The following ACSL6 variants were observed in gnomAD, a reference collection of about 807,000 sequenced individuals.
ACSL6 encodes the protein long-chain-fatty-acid--CoA ligase 6.
In ACSL6, 47 loss-of-function variants were observed where a neutral mutation model predicts 98.2. The observed-to-expected ratio is 0.48, with a 90% confidence interval of 0.38 to 0.61. ACSL6 has a LOEUF of 0.61. Ranked by LOEUF, ACSL6 falls within the 20% of genes least tolerant of loss-of-function variation. The pLI is 0.00. For synonymous variants in ACSL6, 362 were observed against 336.9 expected (o/e 1.07, Z -0.82); for missense variants, 761 against 913.4 (o/e 0.83, Z 2.15).
intron 1 of ACSL6, among the ~76,000 whole-genome samples, chr5:131,995,344 T>C (rs1322778561): frequency 6.6e-6 from 1 of 152,164 alleles, no homozygotes; most frequent in Non-Finnish European, 1.5e-5. Context: ...TGCTTGGAAC[T>C]GAGGAAAGTA....
At chr5:132,012,189 C>G, upstream of ACSL6, 1 of 441,718 alleles carries the variant, frequency 2.3e-6, no homozygotes, top group Non-Finnish European at 4.0e-6. Context: ...GGTGCCACCT[C>G]TGCAAACCAG....
chr5:131,975,124 A>G, intron 10 of ACSL6, 154 bp from the exon 11 acceptor site: 2 of 1,411,140 alleles, frequency 1.4e-6, no homozygotes, highest in Admixed American at 2.9e-5. Flanking sequence ...GAGAGGTGAG[A>G]TGAAAGAGAG....
rs953272432 is a variant in ACSL6 at position 131,954,349 on chromosome 5, G to T, written c.2054C>A (p.Ser685Tyr). ...GCCATTTTGAACTGAGAACATGTCA[G>T]AATGGATGTGAATGGCTTTAACCTA... ...FEQVKAIHIH[S>Y]DMFSVQNGLL... Residue 685 changes from serine (S) to tyrosine (Y), a missense_variant, in exon 21 of 21, where the codon TCT (serine) becomes TAT (tyrosine). Ser to Tyr is a moderately radical substitution (Grantham distance 144). Coordinates refer to ENST00000651883, the MANE Select transcript of ACSL6 (RefSeq NM_001009185.3). 2.6e-5 allele frequency: 42 copies of T among 1,612,540 alleles called. No individual in the cohort carries two copies. Among genetic ancestry groups the T allele is most frequent in the Non-Finnish European group, 3.5e-5 (41 of 1,179,606 alleles).
Position 132,000,009 on chromosome 5 carries a change from G to C in ACSL6, c.50-5758C>G, listed in dbSNP as rs576486480. 3.9e-5 allele frequency among the ~76,000 whole-genome samples: 6 copies of C among 152,168 alleles called. No individual in the cohort carries two copies. In the South Asian group the frequency reaches 1.3e-3, roughly 32 times the overall value. On this transcript the variant is annotated intron_variant, in intron 1 of 20. Coordinates refer to ENST00000651883, the MANE Select transcript of ACSL6 (RefSeq NM_001009185.3). ...AGTGAGCATGAGTTTATGTGTGTAG[G>C]GGGTGGGGGGTGACAGGAAGTAGTG...
In ACSL6 at chr5:132,011,382, G is replaced by T; in HGVS notation, c.49+123C>A. 9.1e-7 allele frequency: 1 copy of T among 1,102,914 alleles called. No homozygotes were observed. The highest frequency in any genetic ancestry group is 1.4e-6 in the Non-Finnish European group (1 of 738,258). The allele number at this position is 1,102,914 out of a possible 1,614,324, so 68.3% of individuals were successfully genotyped here. A position where few individuals can be genotyped will look rare whatever the true frequency, so the allele number is the denominator to read the frequency against. On this transcript the variant is annotated intron_variant, in intron 1 of 20. Coordinates refer to ENST00000651883, the MANE Select transcript of ACSL6 (RefSeq NM_001009185.3). The surrounding 1 kb of genome is among the most constrained non-coding windows in gnomAD (Gnocchi z 5.4). ...TAGGCGGCCCTGGGGACCTTGACGG[G>T]ACAGCTCAGCAGCAGGGGATGGGGG...
chr5:132,011,246 G>T lies in ACSL6; in HGVS notation c.49+259C>A, dbSNP rs1755707789. ...GGGAAGGGGGACGCAAGAACTCGGC[G>T]GGGGTTTGTGGTGGGGTCGCAGAGA... is the stretch of plus-strand genomic sequence containing the variant. On this transcript the variant is annotated intron_variant, in intron 1 of 20. Transcript: ENST00000651883. This position sits in a 1 kb window ranked among gnomAD's most constrained non-coding sequence, Gnocchi z 5.4. Among the ~76,000 whole-genome samples the T allele has an allele frequency of 6.6e-6, 1 of 152,254 alleles. No homozygotes were observed. The highest frequency in any genetic ancestry group is 6.5e-5 in the Admixed American group (1 of 15,302).
intron 13 of ACSL6, among the ~76,000 whole-genome samples, chr5:131,972,150 T>A (rs947469076): frequency 2.2e-4 from 34 of 152,334 alleles, no homozygotes; most frequent in African/African-American, 8.2e-4. Context: ...ATATTTTAAA[T>A]ATTAATTTTC....
intron 16 of ACSL6, among the ~76,000 whole-genome samples, chr5:131,967,524 G>T (rs928632961): frequency 6.6e-6 from 1 of 151,970 alleles, no homozygotes; most frequent in South Asian, 2.1e-4. Context: ...AATTAGCCAG[G>T]TGTGGTGGCG....
At chr5:131,992,022 G>T (rs1754551501) in intron 2 of ACSL6, among the ~76,000 whole-genome samples, 1 of 152,196 alleles carries the variant, frequency 6.6e-6, no homozygotes, top group South Asian at 2.1e-4. Context: ...GAGACTGTAT[G>T]CCAGGGACAG....
rs1580614102 is a variant in ACSL6 at position 131,953,168 on chromosome 5, G to T, written c.*1066C>A. The T allele has an allele frequency of 1.0e-5, 2 of 196,108 alleles. No individual in the cohort carries two copies. Among genetic ancestry groups the T allele is most frequent in the East Asian group, 1.6e-4 (2 of 12,440 alleles). The allele number at this position is 196,108 out of a possible 1,614,324, so 12.1% of individuals were successfully genotyped here. ...TGTCTTTTAGAATTCATTATAATAA[G>T]AAGTCCATGAACATACACACACTAT... On this transcript the variant is annotated 3_prime_UTR_variant, in exon 21 of 21. Transcript: ENST00000651883.
In ACSL6 at chr5:131,970,482, T is replaced by A. The variant is rs1280799916; in HGVS notation, c.1435-282A>T. Among the ~76,000 whole-genome samples, 3 of 151,230 alleles carry A rather than the reference T, an allele frequency of 2.0e-5. No homozygotes were observed. In the Admixed American group the frequency reaches 2.0e-4, roughly 10 times the overall value. Reference sequence around the variant, plus strand: ...TGGAGTGCAATGGCGTGATCTCCACTCACTGCAAGCTCCACCTCCTGGGTT... The same window carrying A: ...TGGAGTGCAATGGCGTGATCTCCACACACTGCAAGCTCCACCTCCTGGGTT... On this transcript the variant is annotated intron_variant, in intron 14 of 20. Coordinates refer to ENST00000651883, the MANE Select transcript of ACSL6 (RefSeq NM_001009185.3).
chr5:131,985,085 G>A (rs1290383542), intron 9 of ACSL6: 1 of 355,166 alleles, frequency 2.8e-6, no homozygotes, highest in Non-Finnish European at 5.5e-6. Context: ...GGGAGTGAGA[G>A]CTGTTTACCA....
At chr5:132,005,683 G>T (rs1401625034) in intron 1 of ACSL6, among the ~76,000 whole-genome samples, 1 of 152,242 alleles carries the variant, frequency 6.6e-6, no homozygotes, top group Non-Finnish European at 1.5e-5. Flanking sequence ...GGGGTGCGTG[G>T]GCAGGAGGAG....
At chr5:132,004,546 T>C (rs1174601580) in intron 1 of ACSL6, among the ~76,000 whole-genome samples, 1 of 152,124 alleles carries the variant, frequency 6.6e-6, no homozygotes, top group Non-Finnish European at 1.5e-5. Context: ...CTGGTATTCG[T>C]TTGGGCCACA....
In ACSL6 at chr5:131,988,199, T is replaced by A; in HGVS notation, c.680A>T (p.Lys227Ile). Residue 227 changes from lysine to isoleucine, a missense_variant, in exon 7 of 21, where the codon AAA becomes ATA. Coordinates refer to ENST00000651883, the MANE Select transcript of ACSL6 (RefSeq NM_001009185.3). ...TADISTVIVDKPQKAVLLLEH... is the reference protein window; with the variant it reads ...TADISTVIVDIPQKAVLLLEH... ...TAGCAGAAGCACAGCCTTCTGAGGT[T>A]TGTCCACAATCACGGTGCTGATGTC... The A allele has an allele frequency of 6.2e-7, 1 of 1,614,182 alleles. No individual in the cohort carries two copies. Among genetic ancestry groups the A allele is most frequent in the Non-Finnish European group, 8.5e-7 (1 of 1,180,030 alleles).
At chr5:132,010,825 G>A (rs553701601) in intron 1 of ACSL6, among the ~76,000 whole-genome samples, 4 of 152,288 alleles carry the variant, frequency 2.6e-5, no homozygotes, top group African/African-American at 7.2e-5. Flanking sequence ...GTGGGTGTAT[G>A]GGGGGTTGAG....
At position 132,011,258 on chromosome 5, in the gene ACSL6, T is replaced by A. The variant is rs918459286; in HGVS notation, c.49+247A>T. Among the ~76,000 whole-genome samples the A allele has an allele frequency of 6.6e-6, 1 of 151,812 alleles. No homozygotes were observed. The highest frequency in any genetic ancestry group is 2.4e-5 in the African/African-American group (1 of 41,298). Reference sequence around the variant, plus strand: ...GCAAGAACTCGGCGGGGGTTTGTGGTGGGGTCGCAGAGAGCAAGCCCTATA... The same window carrying A: ...GCAAGAACTCGGCGGGGGTTTGTGGAGGGGTCGCAGAGAGCAAGCCCTATA... On this transcript the variant is annotated intron_variant, in intron 1 of 20. Coordinates refer to ENST00000651883, the MANE Select transcript of ACSL6 (RefSeq NM_001009185.3). The surrounding 1 kb of genome is among the most constrained non-coding windows in gnomAD (Gnocchi z 5.4).
intron 18 of ACSL6, 79 bp downstream of exon 18, chr5:131,962,456 C>A: frequency 6.8e-7 from 1 of 1,476,128 alleles, no homozygotes; most frequent in Non-Finnish European, 9.1e-7. Flanking sequence ...ATCCTGGTGC[C>A]TGATTGGAGG....
chr5:131,966,070 C>A (rs1752995057), intron 17 of ACSL6, among the ~76,000 whole-genome samples: 1 of 152,168 alleles, frequency 6.6e-6, no homozygotes, highest in Non-Finnish European at 1.5e-5. Flanking sequence ...CAGGCCTTGC[C>A]CTTCTCAGAC....
Sources: gnomAD v4.1 joint callset for allele counts (sites outside exome capture counted in the v4.1 genomes callset) on GRCh38, gnomAD v4.1.1 for gene constraint, Gnocchi (gnomAD v3.1) non-coding constraint, MANE v1.5 for transcripts, NCBI Gene and HGNC (gene_info 2026-07-23, HGNC 2026-07-21) for gene names.